The following CLCN3 variants were observed in gnomAD, a reference collection of about 807,000 sequenced individuals.
CLCN3 encodes H(+)/Cl(-) exchange transporter 3.
In CLCN3, 16 loss-of-function variants were observed where a neutral mutation model predicts 83.4. The observed-to-expected ratio is 0.19, with a 90% CI of 0.13 to 0.29. CLCN3 has a LOEUF of 0.29. Ranked by LOEUF, CLCN3 falls within the 10% of genes least tolerant of loss-of-function variation. The probability of loss-of-function intolerance (pLI) is 1.00; values close to 1 mark genes in which losing one functional copy is unlikely to be tolerated. For missense variants in CLCN3, 544 were observed against 1,006.0 expected (o/e 0.54, Z 6.21); for synonymous variants, 322 against 346.2 (o/e 0.93, Z 0.78).
chr4:169,697,137 A>C, intron 8 of CLCN3, 52 bp from the exon 9 acceptor site: 6 of 1,304,092 alleles, frequency 4.6e-6, no homozygotes, highest in Non-Finnish European at 6.3e-6. Context: ...TATATCAGAA[A>C]CATCTTATAA....
chr4:169,666,260 T>TC (rs1731241687), intron 2 of CLCN3, among the ~76,000 whole-genome samples: 2 of 152,212 alleles, frequency 1.3e-5, no homozygotes, highest in Admixed American at 6.5e-5. Flanking sequence ...TAAGTACATA[T>TC]CTATATACTA....
intron 2 of CLCN3, among the ~76,000 whole-genome samples, chr4:169,648,824 C>T (rs1210540960): frequency 6.6e-6 from 1 of 151,958 alleles, no homozygotes; most frequent in Non-Finnish European, 1.5e-5. Context: ...GCCAGGAGTT[C>T]GAGACCAGCC....
At chr4:169,696,505 GTGAT>G (rs752782605) in intron 8 of CLCN3, among the ~76,000 whole-genome samples, 104 of 152,134 alleles carry the variant, frequency 6.8e-4, no homozygotes, top group Middle Eastern at 3.4e-3. Context: ...TCAAATCAGA[GTGAT>G]TAGCAAATCC....
intron 2 of CLCN3, among the ~76,000 whole-genome samples, chr4:169,673,870 A>C (rs865957925): frequency 1.1e-4 from 16 of 152,258 alleles, no homozygotes; most frequent in Middle Eastern, 3.4e-3. Flanking sequence ...GCATGTATGC[A>C]CTATATATTT....
intron 9 of CLCN3, chr4:169,702,777 C>CAAAAAA (rs60812626): frequency 1.8e-3 from 433 of 245,376 alleles, no homozygotes; most frequent in South Asian, 3.3e-3. Context: ...CCCATCTCTA[C>CAAAAAA]AAAAAAAAAA....
intron 2 of CLCN3, among the ~76,000 whole-genome samples, chr4:169,647,396 A>G (rs1730605680): frequency 6.6e-6 from 1 of 152,126 alleles, no homozygotes. Context: ...TCTCAAGAAA[A>G]AAAAATCTTA....
At chr4:169,623,125 TAAATA>T (rs1369747084) in intron 1 of CLCN3, among the ~76,000 whole-genome samples, 2 of 152,212 alleles carry the variant, frequency 1.3e-5, no homozygotes, top group Non-Finnish European at 2.9e-5. Flanking sequence ...CCAAGTTAAA[TAAATA>T]TATTTCTTGC....
intron 2 of CLCN3, among the ~76,000 whole-genome samples, chr4:169,674,296 T>C (rs1277152963): frequency 2.0e-5 from 3 of 152,220 alleles, no homozygotes; most frequent in Non-Finnish European, 2.9e-5. Flanking sequence ...ATTCATTTTA[T>C]GCATTTCTGG....
chr4:169,717,852 G>A, intron 12 of CLCN3: 2 of 1,611,786 alleles, frequency 1.2e-6, no homozygotes, highest in Non-Finnish European at 1.7e-6. Flanking sequence ...AACTAAAGCA[G>A]CACGTCGAAC....
intron 9 of CLCN3, among the ~76,000 whole-genome samples, chr4:169,698,724 A>G (rs1732664161): frequency 6.6e-6 from 1 of 152,212 alleles, no homozygotes; most frequent in African/African-American, 2.4e-5. Flanking sequence ...AAAGCCACAC[A>G]AATTTAATAT....
At chr4:169,647,619 G>A (rs1047697089) in intron 2 of CLCN3, among the ~76,000 whole-genome samples, 1 of 152,072 alleles carries the variant, frequency 6.6e-6, no homozygotes, top group Non-Finnish European at 1.5e-5. Context: ...AATAATTTGA[G>A]CAACAAAAAT....
intron 2 of CLCN3, among the ~76,000 whole-genome samples, chr4:169,655,862 A>G (rs1259635188): frequency 6.6e-6 from 1 of 152,154 alleles, no homozygotes. Context: ...GTGATATGTT[A>G]TTTGGGTAAC....
At chr4:169,638,331 G>A (rs1730299886) in intron 2 of CLCN3, among the ~76,000 whole-genome samples, 1 of 152,102 alleles carries the variant, frequency 6.6e-6, no homozygotes, top group African/African-American at 2.4e-5. Flanking sequence ...CCAGGAAATA[G>A]GTCAAGAATG....
chr4:169,625,616 C>G (rs1376973073), intron 1 of CLCN3, among the ~76,000 whole-genome samples: 1 of 152,194 alleles, frequency 6.6e-6, no homozygotes, highest in South Asian at 2.1e-4. Context: ...AAAGAACACG[C>G]TGGTCTTGAG....
chr4:169,621,350 T>C (rs750617775), intron 1 of CLCN3, among the ~76,000 whole-genome samples: 7 of 152,226 alleles, frequency 4.6e-5, no homozygotes, highest in Admixed American at 1.3e-4. Flanking sequence ...GGGTTTTACT[T>C]TCGCTAAATT....
chr4:169,652,283 G>T (rs960674242), intron 2 of CLCN3, among the ~76,000 whole-genome samples: 3 of 152,024 alleles, frequency 2.0e-5, no homozygotes, highest in African/African-American at 7.2e-5. Flanking sequence ...ATCTAGGTAT[G>T]CATCCTTAAG....
Position 169,697,804 on chromosome 4 carries a change from GGTT to G in CLCN3, c.1563+77_1563+79del, listed in dbSNP as rs924112378. 2.4e-4 allele frequency: 245 copies of G among 1,002,492 alleles called. 1 individual carries two copies. The African/African-American group carries it at 3.6e-3, about 15-fold the overall frequency. 62.1% of individuals were successfully genotyped at this position (1,002,492 alleles called of 1,614,324 possible). A position where few individuals can be genotyped will look rare whatever the true frequency, so the allele number is the denominator to read the frequency against. ...CAAAACTTATATGTGGAATGAGAGAGGTTGTTGTTTCATAAATGACTGAAAAAA... is the reference window on the plus strand; with the variant it reads ...CAAAACTTATATGTGGAATGAGAGAGGTTGTTTCATAAATGACTGAAAAAA... On this transcript the variant is annotated intron_variant, in intron 9 of 12. Coordinates refer to ENST00000513761, the MANE Select transcript of CLCN3 (RefSeq NM_001829.4).
At position 169,722,528 on chromosome 4, in the gene CLCN3, A is replaced by C. The variant is rs1297853120; in HGVS notation, c.*2531A>C. On this transcript the variant is annotated 3_prime_UTR_variant, in exon 13 of 13. Transcript: ENST00000513761. ...CTCAGCATGGCTGCTGGATAACTTAATTGTCCTGAGTTAATAGCCTTCAAA... is the reference window on the plus strand; with the variant it reads ...CTCAGCATGGCTGCTGGATAACTTACTTGTCCTGAGTTAATAGCCTTCAAA... The C allele has an allele frequency of 1.3e-5, 2 of 152,362 alleles. No individual in the cohort carries two copies. Among genetic ancestry groups the C allele is most frequent in the Middle Eastern group, 3.4e-3 (1 of 294 alleles). The allele number at this position is 152,362 out of a possible 1,614,324, so 9.4% of individuals were successfully genotyped here.
intron 1 of CLCN3, among the ~76,000 whole-genome samples, chr4:169,622,793 A>G (rs1036053571): frequency 3.3e-5 from 5 of 152,160 alleles, no homozygotes; most frequent in African/African-American, 9.7e-5. Flanking sequence ...CTGCTGCACC[A>G]TAGTGTAGTT....
Sources: allele counts gnomAD v4.1 joint callset (sites outside exome capture counted in the v4.1 genomes callset), GRCh38; gene constraint gnomAD v4.1.1; transcripts MANE v1.5; gene names NCBI Gene and HGNC (gene_info 2026-07-23, HGNC 2026-07-21).